The following MPDZ variants were observed in gnomAD, a reference collection of about 807,000 sequenced individuals.
The protein encoded by MPDZ is multiple PDZ domain crumbs cell polarity complex component.
Under a neutral mutation model 239.1 loss-of-function variants are expected in MPDZ, and 234 were observed. That is an observed-to-expected ratio of 0.98 (90% CI 0.88 to 1.09). MPDZ has a LOEUF of 1.09. Among genes scored for constraint, MPDZ ranks in the 50% least tolerant of loss-of-function variants. The probability of loss-of-function intolerance (pLI) is 0.00; values close to 1 mark genes in which losing one functional copy is unlikely to be tolerated. For missense variants in MPDZ, 3,175 were observed against 2,510.0 expected (o/e 1.26, Z -5.66); for synonymous variants, 1,048 against 881.3 (o/e 1.19, Z -3.35).
Position 13,147,632 on chromosome 9 carries a change from T to C in MPDZ, c.3657A>G (p.Ala1219=). 6.2e-7 allele frequency: 1 copy of C among 1,612,230 alleles called. No homozygotes were observed. The highest frequency in any genetic ancestry group is 8.5e-7 in the Non-Finnish European group (1 of 1,178,716). The change falls in exon 26 of 47, where the codon GCA becomes GCG. Residue 1219 remains alanine (A), a synonymous_variant. Transcript: ENST00000319217. ...VEVDGMDLRD[A]SHEQAVEAIR... ...TGGCTTCCACAGCTTGTTCATGGCT[T>C]GCATCTCTGAGGTCCATTCCATCCA... is the stretch of plus-strand genomic sequence containing the variant.
chr9:13,213,860 G>T (rs1016440382), intron 10 of MPDZ, among the ~76,000 whole-genome samples: 1 of 152,004 alleles, frequency 6.6e-6, no homozygotes, highest in African/African-American at 2.4e-5. Context: ...TTCAATGATA[G>T]CCCTCAATAA....
chr9:13,243,256 A>C lies in MPDZ; in HGVS notation c.183+4379T>G, dbSNP rs1323544441. Among the ~76,000 whole-genome samples the C allele has an allele frequency of 5.3e-5, 8 of 152,258 alleles. No homozygotes were observed. The South Asian group carries it at 8.3e-4, about 16-fold the overall frequency. ...GATGTTCAACAAAGCTTGATTATTA[A>C]ATGAATATAAGAATATGAGCCTCCA... On this transcript the variant is annotated intron_variant, in intron 3 of 46. Coordinates refer to ENST00000319217, the MANE Select transcript of MPDZ (RefSeq NM_001378778.1).
chr9:13,210,716 G>T (rs1957519695), intron 10 of MPDZ, among the ~76,000 whole-genome samples: 2 of 152,004 alleles, frequency 1.3e-5, no homozygotes, highest in African/African-American at 4.8e-5. Context: ...GGGAATGATG[G>T]GACTCAAAAG....
chr9:13,231,706 T>A (rs1367710387), intron 3 of MPDZ, among the ~76,000 whole-genome samples: 1 of 23,152 alleles, frequency 4.3e-5, no homozygotes, highest in Non-Finnish European at 1.1e-4. Context: ...TTAACATCAA[T>A]TTTTTGTGAC....
intron 2 of MPDZ, among the ~76,000 whole-genome samples, chr9:13,248,389 T>C (rs1966894308): frequency 6.6e-6 from 1 of 152,048 alleles, no homozygotes; most frequent in Non-Finnish European, 1.5e-5. Flanking sequence ...TTCAAATAAT[T>C]ATTGAACACT....
intron 1 of MPDZ, chr9:13,276,634 C>G (rs759493166): frequency 2.0e-4 from 31 of 152,190 alleles, no homozygotes; most frequent in Non-Finnish European, 4.4e-5. Context: ...AGTGTAGGAT[C>G]TTTCTCTGGC....
intron 1 of MPDZ, among the ~76,000 whole-genome samples, chr9:13,258,951 A>C (rs936434171): frequency 1.8e-4 from 28 of 152,196 alleles, no homozygotes; most frequent in African/African-American, 6.5e-4. Flanking sequence ...ATTACCTGAA[A>C]TGGAAATGCT....
chr9:13,264,755 T>C (rs1033701554), intron 1 of MPDZ, among the ~76,000 whole-genome samples: 4 of 152,116 alleles, frequency 2.6e-5, no homozygotes, highest in African/African-American at 9.7e-5. Context: ...TCATTCATAA[T>C]GTTCCTTAAT....
chr9:13,136,595 G>A, intron 30 of MPDZ, 117 bp downstream of exon 30: 1 of 707,454 alleles, frequency 1.4e-6, no homozygotes, highest in South Asian at 1.7e-5. Flanking sequence ...CAAAGTGCTG[G>A]GATTACAGGC....
At position 13,247,528 on chromosome 9, in the gene MPDZ, T is replaced by C. The variant is rs1263312199; in HGVS notation, c.183+107A>G. On this transcript the variant is annotated intron_variant, in intron 3 of 46. Coordinates refer to ENST00000319217, the MANE Select transcript of MPDZ (RefSeq NM_001378778.1). ...TCATTTGGAGGTTTAAATGACTTCATTAACTATTCATTAACACATAGAAAA... is the reference window on the plus strand; with the variant it reads ...TCATTTGGAGGTTTAAATGACTTCACTAACTATTCATTAACACATAGAAAA... 1.1e-5 allele frequency: 13 copies of C among 1,216,544 alleles called. No homozygotes were observed. In the East Asian group the frequency reaches 2.5e-4, roughly 24 times the overall value. The allele number at this position is 1,216,544 out of a possible 1,614,324, so 75.4% of individuals were successfully genotyped here.
chr9:13,221,200 C>G (rs546500189), intron 7 of MPDZ, among the ~76,000 whole-genome samples, 172 bp downstream of exon 7: 1 of 151,934 alleles, frequency 6.6e-6, no homozygotes, highest in African/African-American at 2.4e-5. Context: ...AAAGGTATTC[C>G]TCCCCTAGGT....
intron 3 of MPDZ, among the ~76,000 whole-genome samples, chr9:13,236,482 T>C (rs565492649): frequency 6.6e-6 from 1 of 150,550 alleles, no homozygotes; most frequent in South Asian, 2.1e-4. Flanking sequence ...GGTTTCTCCA[T>C]GTTGGTCAGG....
Position 13,183,531 on chromosome 9 carries a change from A to C in MPDZ, c.2536T>G (p.Ser846Ala), listed in dbSNP as rs776258943. The C allele has an allele frequency of 1.2e-6, 2 of 1,612,596 alleles. No individual in the cohort carries two copies. Among genetic ancestry groups the C allele is most frequent in the Non-Finnish European group, 1.7e-6 (2 of 1,179,104 alleles). ...GAGTAGATGCTGTCATTTTCAGGAG[A>C]GTATGGAGACTCAAATGTGGATTCA... ...VDESTFESPY[S>A]PENDSIYSTQ... Residue 846 changes from serine (S) to alanine (A), a missense_variant, in exon 19 of 47, where the codon TCT becomes GCT. Transcript: ENST00000319217.
chr9:13,168,369 A>G lies in MPDZ; in HGVS notation c.3251T>C (p.Ile1084Thr), dbSNP rs1210053309. 6.2e-7 allele frequency: 1 copy of G among 1,611,748 alleles called. No homozygotes were observed. Among genetic ancestry groups the G allele is most frequent in the East Asian group, 2.2e-5 (1 of 44,752 alleles). ...LRRHSLIGPD[I>T]KITYVPAEHL... is the part of the protein sequence containing the mutation. ...CTGGGCTTCAAATGATACTTACTTT[A>G]TGTCAGGGCCAATGAGAGAATGTCT... is the stretch of plus-strand genomic sequence containing the variant. The change falls in exon 22 of 47, where the codon ATA becomes ACA. Residue 1084 changes from isoleucine to threonine, a missense_variant. Coordinates refer to ENST00000319217, the MANE Select transcript of MPDZ (RefSeq NM_001378778.1).
intron 39 of MPDZ, among the ~76,000 whole-genome samples, chr9:13,119,213 A>G (rs1943957008): frequency 6.6e-6 from 1 of 152,134 alleles, no homozygotes; most frequent in Non-Finnish European, 1.5e-5. Context: ...CCTTCTGAGT[A>G]GCTGGGACTA....
intron 1 of MPDZ, chr9:13,274,622 A>AC (rs1564182326): frequency 6.7e-6 from 1 of 150,300 alleles, no homozygotes; most frequent in African/African-American, 2.5e-5. Context: ...TAAAAAACAA[A>AC]AAAAAAAAAA....
intron 19 of MPDZ, among the ~76,000 whole-genome samples, chr9:13,182,293 G>T (rs941153142): frequency 6.6e-6 from 1 of 151,768 alleles, no homozygotes; most frequent in African/African-American, 2.4e-5. Context: ...GAAAAATAAA[G>T]AAAATATATT....
intron 3 of MPDZ, 39 bp downstream of exon 3, chr9:13,247,596 C>T (rs774838213): frequency 1.9e-6 from 3 of 1,577,986 alleles, no homozygotes; most frequent in Non-Finnish European, 2.6e-6. Flanking sequence ...AAGATCTATG[C>T]CATGTCGTGA....
At chr9:13,259,616 C>G (rs1224223870) in intron 1 of MPDZ, among the ~76,000 whole-genome samples, 1 of 152,148 alleles carries the variant, frequency 6.6e-6, no homozygotes, top group Non-Finnish European at 1.5e-5. Context: ...GACCCCTGCA[C>G]AGAGTCTTAA....
Sources: allele counts gnomAD v4.1 joint callset (sites outside exome capture counted in the v4.1 genomes callset), GRCh38; gene constraint gnomAD v4.1.1; transcripts MANE v1.5; gene names NCBI Gene and HGNC (gene_info 2026-07-23, HGNC 2026-07-21).